The following TOX4 variants were observed in gnomAD, a reference collection of about 807,000 sequenced individuals.
The protein encoded by TOX4 is epidermal Langerhans cell protein LCP1.
In TOX4, 12 loss-of-function variants were observed where a neutral mutation model predicts 61.0. The observed-to-expected ratio is 0.20, with a 90% CI of 0.13 to 0.32. The LOEUF is 0.32. Ranked by LOEUF, TOX4 falls within the 10% of genes least tolerant of loss-of-function variation. The pLI, the probability that TOX4 is intolerant of heterozygous loss-of-function variation, is 1.00. For missense variants in TOX4, 499 were observed against 753.3 expected, an observed-to-expected ratio of 0.66 and a Z score of 3.95; for synonymous variants, 268 against 274.8, an observed-to-expected ratio of 0.98 and a Z score of 0.24.
chr14:21,491,088 G>A (rs112452037), intron 5 of TOX4, among the ~76,000 whole-genome samples: 2 of 152,320 alleles, frequency 1.3e-5, no homozygotes, highest in East Asian at 1.9e-4. Context: ...TCCTCCCAAC[G>A]TGCTGGGATT....
chr14:21,477,293 C>T lies in TOX4; in HGVS notation c.6+9C>T. 1 of 1,614,006 alleles carries T rather than the reference C, an allele frequency of 6.2e-7. No homozygotes were observed. Among genetic ancestry groups the T allele is most frequent in the Admixed American group, 1.7e-5 (1 of 60,004 alleles). ...GTTGTGTGAAGATGGAGGTAGGAAC[C>T]TGATAGCTAAGAAGGCTGGCGAGAG... On this transcript the variant is annotated intron_variant, in intron 1 of 8. Coordinates refer to ENST00000448790, the MANE Select transcript of TOX4 (RefSeq NM_014828.4).
rs376299125 is a variant in TOX4 at position 21,493,415 on chromosome 14, C to G, written c.1641+158C>G. Among the ~76,000 whole-genome samples, 583 of 152,034 alleles carry G rather than the reference C, an allele frequency of 3.8e-3. 4 individuals carry two copies. The highest frequency in any genetic ancestry group is 0.013 in the African/African-American group (548 of 41,478). ...GAGTTCCTTGCAGCAGTTGACTTCT[C>G]TTACCCAAGGTACTCATACTGTTTT... On this transcript the variant is annotated intron_variant, in intron 7 of 8. Coordinates refer to ENST00000448790, the MANE Select transcript of TOX4 (RefSeq NM_014828.4).
intron 2 of TOX4, among the ~76,000 whole-genome samples, chr14:21,482,994 G>A (rs898681396): frequency 5.3e-5 from 8 of 152,092 alleles, no homozygotes; most frequent in Non-Finnish European, 1.2e-4. Context: ...CACATCCCAA[G>A]GGGTGGTGTA....
Position 21,499,080 on chromosome 14 carries a change from G to A in TOX4, c.*2474G>A, listed in dbSNP as rs201920016. 1 of 1,614,170 alleles carries A rather than the reference G, an allele frequency of 6.2e-7. No homozygotes were observed. ...AATAACTCAATCTTGCGAGTGCCAG[G>A]AGATAGTCTTTCAATCATGCCATAG... On this transcript the variant is annotated 3_prime_UTR_variant, in exon 9 of 9. Coordinates refer to ENST00000448790, the MANE Select transcript of TOX4 (RefSeq NM_014828.4).
rs116520952 is a variant in TOX4, at chr14:21,493,184, G to T, written c.1568G>T (p.Ser523Ile). 4.8e-5 allele frequency: 78 copies of T among 1,614,148 alleles called. No individual in the cohort carries two copies. In the African/African-American group the frequency reaches 1.0e-3, roughly 21 times the overall value. ...ESSPERPMNN[S>I]PEAHTVEAPS... ...AGTCCTGAGCGGCCTATGAACAACA[G>T]CCCTGAGGCCCATACAGTGGAGGCA... Residue 523 changes from serine (S) to isoleucine (I), a missense_variant, in exon 7 of 9, where the codon AGC becomes ATC. By Grantham distance (142) the Ser-to-Ile change is moderately radical. Transcript: ENST00000448790.
chr14:21,495,558 T>C (rs1891382519), intron 8 of TOX4, 166 bp downstream of exon 8: 1 of 701,714 alleles, frequency 1.4e-6, no homozygotes, highest in Non-Finnish European at 2.2e-6. Flanking sequence ...GAGCTTACAT[T>C]TGCCACATAA....
chr14:21,489,229 A>G lies in TOX4; in HGVS notation c.636A>G (p.Pro212=). ...VVEAGKKQKA[P]KKRKKKDPNE... ...AAGCAGGGAAAAAGCAGAAGGCCCC[A>G]AAGAAGAGAAAAAAGAAAGATCCTA... The change falls in exon 5 of 9, where the codon CCA becomes CCG. Residue 212 remains proline, a synonymous_variant. Coordinates refer to ENST00000448790, the MANE Select transcript of TOX4 (RefSeq NM_014828.4). The G allele has an allele frequency of 6.2e-7, 1 of 1,614,202 alleles. No individual in the cohort carries two copies. The highest frequency in any genetic ancestry group is 8.5e-7 in the Non-Finnish European group (1 of 1,180,036).
intron 4 of TOX4, 127 bp downstream of exon 4, chr14:21,488,977 G>T (rs1424771912): frequency 1.5e-6 from 2 of 1,378,132 alleles, no homozygotes; most frequent in South Asian, 1.4e-5. Flanking sequence ...TGGGTATGGG[G>T]TTCCACCTCC....
intron 2 of TOX4, among the ~76,000 whole-genome samples, chr14:21,478,485 G>A (rs574390029): frequency 6.7e-6 from 1 of 149,272 alleles, no homozygotes; most frequent in South Asian, 2.2e-4. Flanking sequence ...AGAAGTAAAG[G>A]TTATGATGAA....
chr14:21,498,048 G>C lies in TOX4; in HGVS notation c.*1442G>C, dbSNP rs1004488703. ...TTGAACCTTCACAGCAACCCAATGA[G>C]GTAATACTCCCATTTCACATATAAT... On this transcript the variant is annotated 3_prime_UTR_variant, in exon 9 of 9. Coordinates refer to ENST00000448790, the MANE Select transcript of TOX4 (RefSeq NM_014828.4). 14 of 548,386 alleles carry C rather than the reference G, an allele frequency of 2.6e-5. 1 individual carries two copies. The highest frequency in any genetic ancestry group is 2.3e-4 in the African/African-American group (12 of 52,744). The allele number at this position is 548,386 out of a possible 1,614,324, so 34.0% of individuals were successfully genotyped here.
chr14:21,496,476 A>T, intron 8 of TOX4, 70 bp from the exon 9 acceptor site: 1 of 1,441,972 alleles, frequency 6.9e-7, no homozygotes, highest in Non-Finnish European at 9.7e-7. Context: ...AAAAAAAAAA[A>T]TGTATCTAGG....
chr14:21,490,048 C>A (rs1014484759), intron 5 of TOX4, among the ~76,000 whole-genome samples: 34 of 150,796 alleles, frequency 2.3e-4, no homozygotes, highest in African/African-American at 8.0e-4. Flanking sequence ...GTGGCATGTG[C>A]CTTTGGTCCC....
At chr14:21,495,079 CCAAGAACTCACCTTCTTCTG>C (rs1365361666) in intron 7 of TOX4, 130 bp from the exon 8 acceptor site, 4 of 773,396 alleles carry the variant, frequency 5.2e-6, no homozygotes, top group Non-Finnish European at 8.4e-6. Flanking sequence ...AGAGGGGAGA[CCAAGAACTCACCTTCTTCTG>C]CAGTTTTGCC....
rs755554926 is a variant in TOX4 at position 21,487,510 on chromosome 14, T to C, written c.135T>C (p.Asp45=). 3.1e-6 allele frequency: 5 copies of C among 1,614,124 alleles called. No homozygotes were observed. Among genetic ancestry groups the C allele is most frequent in the Middle Eastern group, 1.7e-4 (1 of 6,058 alleles). Residue 45 remains aspartate (D), a synonymous_variant, in exon 3 of 9, where the codon GAT becomes GAC. Coordinates refer to ENST00000448790, the MANE Select transcript of TOX4 (RefSeq NM_014828.4). The part of the protein sequence containing the change: ...EEFEIPPISL[D]SDPSLAVSDV... ...TTGAAATCCCACCTATCTCCTTGGA[T>C]TCTGATCCCTCATTGGCTGTCTCAG...
Position 21,492,615 on chromosome 14 carries a change from G to A in TOX4, c.999G>A (p.Glu333=), listed in dbSNP as rs1891315011. The part of the protein sequence containing the change: ...DPASPAPASI[E]PPALSPSIVV... The stretch of plus-strand genomic sequence containing the variant: ...CATCTCCAGCACCAGCTTCAATAGA[G>A]CCCCCTGCCCTGTCCCCATCCATTG... The change falls in exon 7 of 9, where the codon GAG becomes GAA. Residue 333 remains glutamate, a synonymous_variant. Coordinates refer to ENST00000448790, the MANE Select transcript of TOX4 (RefSeq NM_014828.4). The A allele has an allele frequency of 6.2e-7, 1 of 1,613,444 alleles. No homozygotes were observed. The highest frequency in any genetic ancestry group is 1.3e-5 in the African/African-American group (1 of 74,872).
intron 1 of TOX4, 92 bp from the exon 2 acceptor site, chr14:21,477,404 G>A: frequency 6.2e-7 from 1 of 1,610,854 alleles, no homozygotes; most frequent in Non-Finnish European, 8.5e-7. Flanking sequence ...GGTTTGGGGA[G>A]TGTTGTCAGA....
chr14:21,496,988 T>C lies in TOX4; in HGVS notation c.*382T>C. 1 of 187,464 alleles carries C rather than the reference T, an allele frequency of 5.3e-6. No individual in the cohort carries two copies. The highest frequency in any genetic ancestry group is 1.1e-5 in the Non-Finnish European group (1 of 88,826). The allele number at this position is 187,464 out of a possible 1,614,324, so 11.6% of individuals were successfully genotyped here. The stretch of plus-strand genomic sequence containing the variant: ...ACTCAGCTTTGAGCCTAGGAGAAAA[T>C]GCCACTGTGTGCATCCATTTTAAAG... On this transcript the variant is annotated 3_prime_UTR_variant, in exon 9 of 9. Coordinates refer to ENST00000448790, the MANE Select transcript of TOX4 (RefSeq NM_014828.4).
intron 8 of TOX4, chr14:21,495,642 T>C (rs773243666): frequency 1.6e-5 from 5 of 311,672 alleles, no homozygotes; most frequent in Non-Finnish European, 3.0e-5. Context: ...TCTTTAAAAA[T>C]ATAATACATT....
intron 2 of TOX4, among the ~76,000 whole-genome samples, chr14:21,479,187 TTGAAA>T (rs1891066183): frequency 7.0e-6 from 1 of 143,140 alleles, no homozygotes; most frequent in African/African-American, 2.6e-5. Context: ...GCAGCAAACT[TTGAAA>T]TGATATAAAA....
Sources: gnomAD v4.1 joint callset for allele counts (sites outside exome capture counted in the v4.1 genomes callset) on GRCh38, gnomAD v4.1.1 for gene constraint, MANE v1.5 for transcripts, NCBI Gene and HGNC (gene_info 2026-07-23, HGNC 2026-07-21) for gene names.